Variants in KATNBL1 observed in about 807,000 individuals in gnomAD.
KATNBL1 encodes katanin regulatory subunit B1 like 1.
In KATNBL1, 28 loss-of-function variants were observed where a neutral mutation model predicts 44.7. The observed-to-expected ratio is 0.63, with a 90% confidence interval of 0.46 to 0.86. KATNBL1 has a LOEUF of 0.86. KATNBL1 is among the 40% of genes least tolerant of loss of function. The pLI, the probability that KATNBL1 is intolerant of heterozygous loss-of-function variation, is 0.00. For synonymous variants in KATNBL1, 78 were observed against 114.9 expected (o/e 0.68, Z 2.06); for missense variants, 272 against 350.7 (o/e 0.78, Z 1.79).
chr15:34,206,718 G>A (rs779914150), intron 1 of KATNBL1, among the ~76,000 whole-genome samples: 6 of 152,012 alleles, frequency 3.9e-5, no homozygotes, highest in East Asian at 1.9e-4. Context: ...TTGAACCCGG[G>A]AGGTGGAGGT....
intron 1 of KATNBL1, among the ~76,000 whole-genome samples, chr15:34,192,200 C>T (rs1157189807): frequency 6.6e-6 from 1 of 151,704 alleles, no homozygotes; most frequent in Admixed American, 6.6e-5. Flanking sequence ...GTCAGGAGAT[C>T]GAGACCATCC....
chr15:34,192,969 G>A (rs1357237017), intron 1 of KATNBL1, among the ~76,000 whole-genome samples: 2 of 152,134 alleles, frequency 1.3e-5, no homozygotes, highest in East Asian at 1.9e-4. Context: ...TGTAATCCCA[G>A]CACTTTGGGA....
intron 1 of KATNBL1, among the ~76,000 whole-genome samples, chr15:34,192,155 A>G (rs1277575904): frequency 2.0e-5 from 3 of 150,862 alleles, no homozygotes; most frequent in South Asian, 2.1e-4. Flanking sequence ...CTGTAATCCC[A>G]GCACTTTTGG....
chr15:34,167,622 G>A (rs1349992255), intron 1 of KATNBL1, among the ~76,000 whole-genome samples: 1 of 152,078 alleles, frequency 6.6e-6, no homozygotes, highest in African/African-American at 2.4e-5. Context: ...CTCAAGAAGA[G>A]CAACCCCAAG....
At position 34,167,782 on chromosome 15, in the gene KATNBL1, T is replaced by G. The variant is rs138743697; in HGVS notation, c.-14-4092A>C. Among the ~76,000 whole-genome samples, 10 of 152,284 alleles carry G rather than the reference T, an allele frequency of 6.6e-5. No homozygotes were observed. In the East Asian group the frequency reaches 1.9e-3, roughly 29 times the overall value. The stretch of plus-strand genomic sequence containing the variant: ...AGCCAGAAGAGAGTGGGGGCCAATA[T>G]TCAACATTCTGAAAGAAAAGAATTT... On this transcript the variant is annotated intron_variant, in intron 1 of 9. Coordinates refer to ENST00000256544, the MANE Select transcript of KATNBL1 (RefSeq NM_024713.3).
At position 34,196,452 on chromosome 15, in the gene KATNBL1, C is replaced by T. The variant is rs111533546; in HGVS notation, c.-15+13499G>A. On this transcript the variant is annotated intron_variant, in intron 1 of 9. Coordinates refer to ENST00000256544, the MANE Select transcript of KATNBL1 (RefSeq NM_024713.3). ...ATAAAATAATTTTTAAATGACTGGGCGCGGTGCCTCATGCCTGTCAATCCC... is the reference window on the plus strand; with the variant it reads ...ATAAAATAATTTTTAAATGACTGGGTGCGGTGCCTCATGCCTGTCAATCCC... 7.4e-3 allele frequency among the ~76,000 whole-genome samples: 1,122 copies of T among 151,288 alleles called. 4 individuals carry two copies. Among genetic ancestry groups the T allele is most frequent in the Non-Finnish European group, 0.011 (736 of 67,862 alleles).
In KATNBL1 at chr15:34,140,988, C is replaced by A. The variant is rs1476380501; in HGVS notation, c.*1351G>T. ...TCAGTAGTCATTAAACGAATAAATG[C>A]TAAAGGTTTACATTCAAGTGCTTGA... On this transcript the variant is annotated 3_prime_UTR_variant, in exon 10 of 10. Coordinates refer to ENST00000256544, the MANE Select transcript of KATNBL1 (RefSeq NM_024713.3). The A allele has an allele frequency of 6.6e-6, 1 of 152,124 alleles. No homozygotes were observed. The highest frequency in any genetic ancestry group is 1.5e-5 in the Non-Finnish European group (1 of 68,008). The allele number at this position is 152,124 out of a possible 1,614,324, so 9.4% of individuals were successfully genotyped here. A position where few individuals can be genotyped will look rare whatever the true frequency, so the allele number is the denominator to read the frequency against.
rs138116922 is a variant in KATNBL1, at chr15:34,198,718, C to A, written c.-15+11233G>T. Among the ~76,000 whole-genome samples the A allele has an allele frequency of 3.5e-3, 540 of 152,282 alleles. 10 individuals carry two copies. The highest frequency in any genetic ancestry group is 0.031 in the Admixed American group (468 of 15,290). ...TGTTAAACCAGATTCAAAGAAAGATCACACAGTTCCATAAATGTGACATTC... is the reference window on the plus strand; with the variant it reads ...TGTTAAACCAGATTCAAAGAAAGATAACACAGTTCCATAAATGTGACATTC... On this transcript the variant is annotated intron_variant, in intron 1 of 9. Transcript: ENST00000256544.
intron 1 of KATNBL1, among the ~76,000 whole-genome samples, chr15:34,182,074 G>C (rs936943467): frequency 6.6e-6 from 1 of 151,638 alleles, no homozygotes; most frequent in African/African-American, 2.4e-5. Context: ...TAATTTGCCC[G>C]AGATTAAACA....
At chr15:34,190,335 G>A (rs1597458021) in intron 1 of KATNBL1, among the ~76,000 whole-genome samples, 1 of 152,190 alleles carries the variant, frequency 6.6e-6, no homozygotes, top group South Asian at 2.1e-4. Context: ...TGCTATAAAA[G>A]AGGAACAGAT....
At chr15:34,206,893 T>C (rs900028094) in intron 1 of KATNBL1, among the ~76,000 whole-genome samples, 1 of 152,186 alleles carries the variant, frequency 6.6e-6, no homozygotes, top group African/African-American at 2.4e-5. Flanking sequence ...AGGTGTTTAA[T>C]TAAAAAACAT....
Position 34,163,593 on chromosome 15 carries a change from CT to C in KATNBL1, c.83del (p.Lys28ArgfsTer10). Reference protein sequence around the residue: ...EDHFIDLPRKKISNFTNKNMK... With the variant: ...EDHFIDLPRKXISNFTNKNMK... ...TGTTCTTATTAGTGAAATTAGAGAT[CT>C]TTTTTCTAGGAAGATCAATGAAATG... On this transcript the variant is annotated frameshift_variant, in exon 2 of 10. Coordinates refer to ENST00000256544, the MANE Select transcript of KATNBL1 (RefSeq NM_024713.3). LOFTEE classifies it high-confidence loss of function. The C allele has an allele frequency of 6.3e-7, 1 of 1,596,348 alleles. No homozygotes were observed. The highest frequency in any genetic ancestry group is 8.5e-7 in the Non-Finnish European group (1 of 1,175,612).
chr15:34,153,180 T>C (rs1888536645), intron 3 of KATNBL1, 111 bp from the exon 4 acceptor site: 1 of 604,752 alleles, frequency 1.7e-6, no homozygotes, highest in South Asian at 3.3e-5. Flanking sequence ...CCACTAAAAT[T>C]AGAAATAAAT....
chr15:34,193,232 A>AAC, intron 1 of KATNBL1, among the ~76,000 whole-genome samples: 1 of 132,592 alleles, frequency 7.5e-6, no homozygotes, highest in African/African-American at 2.9e-5. Context: ...AAAAAAAAAA[A>AAC]AAACAAAAAA....
intron 9 of KATNBL1, among the ~76,000 whole-genome samples, chr15:34,144,254 C>T (rs1450224775): frequency 2.0e-5 from 3 of 151,800 alleles, no homozygotes; most frequent in African/African-American, 4.8e-5. Context: ...AAGAGCTGAA[C>T]TTATCTTGGA....
chr15:34,207,708 TTCCCACCCCAGCC>T (rs1200169266), intron 1 of KATNBL1, among the ~76,000 whole-genome samples: 2 of 151,412 alleles, frequency 1.3e-5, no homozygotes, highest in Non-Finnish European at 3.0e-5. Flanking sequence ...TTAAGCGATC[TTCCCACCCCAGCC>T]TCCCAAGTAG....
chr15:34,150,191 TTAGTGAAAAG>T (rs1039770255), intron 4 of KATNBL1, among the ~76,000 whole-genome samples: 1 of 152,158 alleles, frequency 6.6e-6, no homozygotes, highest in Non-Finnish European at 1.5e-5. Flanking sequence ...AATGTAAGGT[TTAGTGAAAAG>T]TAGTGAAAAT....
intron 1 of KATNBL1, among the ~76,000 whole-genome samples, chr15:34,192,348 GAGCAGAGATGGCGCCACTGCAC>G (rs1350988098): frequency 1.3e-5 from 2 of 150,744 alleles, no homozygotes; most frequent in East Asian, 3.9e-4. Flanking sequence ...AGGTTGCAGT[GAGCAGAGATGGCGCCACTGCAC>G]TCAAGCCTGG....
At chr15:34,204,681 A>G (rs1203187900) in intron 1 of KATNBL1, among the ~76,000 whole-genome samples, 3 of 152,256 alleles carry the variant, frequency 2.0e-5, no homozygotes, top group South Asian at 4.1e-4. Flanking sequence ...TTGAAAAACC[A>G]TCTGCCAGAC....
Sources: gnomAD v4.1 joint callset for allele counts (sites outside exome capture counted in the v4.1 genomes callset) on GRCh38, gnomAD v4.1.1 for gene constraint, MANE v1.5 for transcripts, NCBI Gene and HGNC (gene_info 2026-07-23, HGNC 2026-07-21) for gene names.